TSHZ3: variants seen among roughly 807,000 people sequenced by gnomAD.
TSHZ3 encodes teashirt homolog 3.
In TSHZ3, 10 loss-of-function variants were observed where a neutral mutation model predicts 64.5. The ratio of observed to expected loss-of-function variants is 0.16; its 90% CI spans 0.10 to 0.26. TSHZ3 has a LOEUF of 0.26. Ranked by LOEUF, TSHZ3 falls within the 10% of genes least tolerant of loss-of-function variation. The pLI is 1.00. For synonymous variants in TSHZ3, 608 were observed against 593.1 expected, an observed-to-expected ratio of 1.03 and a Z score of -0.36; for missense variants, 1,242 against 1,421.7, an observed-to-expected ratio of 0.87 and a Z score of 2.03.
chr19:31,274,821 C>T (rs568926063), downstream of TSHZ3: 2 of 152,326 alleles, frequency 1.3e-5, no homozygotes, highest in East Asian at 3.9e-4. Flanking sequence ...CGCACAGCTT[C>T]CGACTGCCAG....
intron 1 of TSHZ3, among the ~76,000 whole-genome samples, chr19:31,292,125 C>T (rs1020734206): frequency 6.6e-6 from 1 of 152,172 alleles, no homozygotes; most frequent in African/African-American, 2.4e-5. Context: ...TCTACAAAAG[C>T]CATGAGGTAA....
intron 1 of TSHZ3, among the ~76,000 whole-genome samples, chr19:31,319,804 A>G (rs914497084): frequency 6.6e-6 from 1 of 150,956 alleles, no homozygotes; most frequent in Non-Finnish European, 1.5e-5. Context: ...AGCTGCTTTG[A>G]AAAAAAAAGG....
At chr19:31,283,728 G>A (rs1309734652) in intron 1 of TSHZ3, among the ~76,000 whole-genome samples, 3 of 152,192 alleles carry the variant, frequency 2.0e-5, no homozygotes, top group Non-Finnish European at 4.4e-5. Context: ...CTCTGCAAAC[G>A]CCAACCTCAC....
In TSHZ3 at chr19:31,178,541, T is replaced by C. The variant is rs377696049; in HGVS notation, n.810-22124A>G. ...CTAAAAATACAAAAGTAGCCGGGCG[T>C]GGTGGCACATGCCTCTAATCCCAGC... On this transcript the variant is annotated intron_variant and non_coding_transcript_variant, in intron 5 of 6. Transcript: ENST00000651361. Among the ~76,000 whole-genome samples the C allele has an allele frequency of 2.0e-5, 3 of 152,212 alleles. No individual in the cohort carries two copies. The East Asian group carries it at 5.8e-4, about 29-fold the overall frequency.
intron 1 of TSHZ3, among the ~76,000 whole-genome samples, chr19:31,288,786 CAGCGTCGGCCTCCCAA>C (rs1312838948): frequency 2.0e-5 from 3 of 152,196 alleles, no homozygotes; most frequent in Non-Finnish European, 4.4e-5. Flanking sequence ...AGTGATCCTC[CAGCGTCGGCCTCCCAA>C]AGCACTGAGA....
intron 1 of TSHZ3, among the ~76,000 whole-genome samples, chr19:31,264,700 G>A (rs1250718743): frequency 6.8e-6 from 1 of 148,068 alleles, no homozygotes; most frequent in Non-Finnish European, 1.5e-5. Context: ...TTCAAGTTTT[G>A]TGGGTTTTTC....
At chr19:31,349,465 G>A (rs1235734110), upstream of TSHZ3, 17 of 382,394 alleles carry the variant, frequency 4.4e-5, no homozygotes, top group Non-Finnish European at 7.8e-5. Context: ...CTCGGGGAGG[G>A]AGGAGCACGG....
chr19:31,263,629 A>G (rs1402410417), intron 1 of TSHZ3, among the ~76,000 whole-genome samples: 1 of 152,074 alleles, frequency 6.6e-6, no homozygotes, highest in East Asian at 1.9e-4. Flanking sequence ...CGGGGCCAAG[A>G]GAGGGGGGAC....
intron 5 of TSHZ3, among the ~76,000 whole-genome samples, chr19:31,202,251 A>ATTTTAG (rs1975098552): frequency 2.0e-5 from 3 of 152,206 alleles, no homozygotes; most frequent in African/African-American, 7.2e-5. Flanking sequence ...ATAATTCACA[A>ATTTTAG]AAAAATAACA....
chr19:31,303,979 CAT>C (rs200716649), intron 1 of TSHZ3, among the ~76,000 whole-genome samples: 2 of 101,530 alleles, frequency 2.0e-5, no homozygotes, highest in Non-Finnish European at 3.7e-5. Context: ...TTTTTATTTT[CAT>C]TTTTTTTTTT....
intron 1 of TSHZ3, among the ~76,000 whole-genome samples, chr19:31,285,457 G>T (rs1230811782): frequency 6.9e-6 from 1 of 144,736 alleles, no homozygotes; most frequent in Non-Finnish European, 1.5e-5. Flanking sequence ...TAAAGCCTGG[G>T]TGACAGAGTG....
chr19:31,161,782 A>G (rs1362713876), intron 5 of TSHZ3, among the ~76,000 whole-genome samples: 1 of 152,230 alleles, frequency 6.6e-6, no homozygotes, highest in Non-Finnish European at 1.5e-5. Flanking sequence ...AGGGCCAGAT[A>G]GTAAATATTT....
chr19:31,305,077 C>T (rs1976817486), intron 1 of TSHZ3, among the ~76,000 whole-genome samples: 1 of 152,120 alleles, frequency 6.6e-6, no homozygotes, highest in African/African-American at 2.4e-5. Flanking sequence ...CTACTAAAAG[C>T]ATTTCAGATT....
chr19:31,233,562 CT>C (rs1975567656), intron 3 of TSHZ3, among the ~76,000 whole-genome samples: 1 of 152,098 alleles, frequency 6.6e-6, no homozygotes, highest in African/African-American at 2.4e-5. Context: ...TTGTCAATGT[CT>C]TCGGCAGGGC....
At chr19:31,282,350 G>A (rs1402385273) in intron 1 of TSHZ3, among the ~76,000 whole-genome samples, 1 of 152,106 alleles carries the variant, frequency 6.6e-6, no homozygotes, top group Non-Finnish European at 1.5e-5. Flanking sequence ...TATTACAGTG[G>A]CTCCCATGAA....
downstream of TSHZ3, among the ~76,000 whole-genome samples, chr19:31,273,215 C>A (rs1191929705): frequency 6.6e-6 from 1 of 152,138 alleles, no homozygotes; most frequent in Non-Finnish European, 1.5e-5. Flanking sequence ...TGTTATTGTG[C>A]CACGTGAGGT....
intron 1 of TSHZ3, among the ~76,000 whole-genome samples, chr19:31,262,512 G>A (rs1305794635): frequency 6.6e-6 from 1 of 152,064 alleles, no homozygotes; most frequent in East Asian, 1.9e-4. Context: ...AGTAAGATAG[G>A]TTTTTAATGT....
rs1406285117 is a variant in TSHZ3, at chr19:31,242,865, G to C, written n.74C>G. 2.0e-5 allele frequency among the ~76,000 whole-genome samples: 3 copies of C among 151,418 alleles called. No individual in the cohort carries two copies. In the East Asian group the frequency reaches 5.8e-4, roughly 29 times the overall value. ...GATGTCCAAAGTCAGCGGAAGATGGGTGCCTTAGTTCTAGGGGAGAGAAAG... is the reference window on the plus strand; with the variant it reads ...GATGTCCAAAGTCAGCGGAAGATGGCTGCCTTAGTTCTAGGGGAGAGAAAG... On this transcript the variant is annotated non_coding_transcript_exon_variant, in exon 2 of 7. Coordinates refer to the TSHZ3 transcript ENST00000651361.
At chr19:31,325,149 T>C (rs907782940) in intron 1 of TSHZ3, among the ~76,000 whole-genome samples, 1 of 152,178 alleles carries the variant, frequency 6.6e-6, no homozygotes, top group African/African-American at 2.4e-5. Context: ...GTCTTGGCCG[T>C]TGGGCTCTCT....
Sources: gnomAD v4.1 joint callset for allele counts (sites outside exome capture counted in the v4.1 genomes callset) on GRCh38, gnomAD v4.1.1 for gene constraint, MANE v1.5 for transcripts, NCBI Gene and HGNC (gene_info 2026-07-23, HGNC 2026-07-21) for gene names.